Variants in SEM1 observed in about 807,000 individuals in gnomAD.
SEM1 encodes 26S proteasome complex subunit SEM1.
SEM1 carries 3 observed loss-of-function variants against 12.7 expected under a neutral mutation model. The ratio of observed to expected loss-of-function variants is 0.24; its 90% CI spans 0.11 to 0.61. The LOEUF is 0.61. SEM1 is among the 20% of genes least tolerant of loss of function. The pLI, the probability that SEM1 is intolerant of heterozygous loss-of-function variation, is 0.88. For missense variants in SEM1, 59 were observed against 81.3 expected (o/e 0.73, Z 1.06); for synonymous variants, 30 against 27.8 (o/e 1.08, Z -0.25).
At chr7:96,509,134 G>A (rs1030945483) in intron 2 of SEM1, among the ~76,000 whole-genome samples, 2 of 148,352 alleles carry the variant, frequency 1.3e-5, no homozygotes, top group African/African-American at 2.5e-5. Flanking sequence ...TTACAGGCAT[G>A]CACCACCACG....
chr7:96,498,199 C>T (rs544401157), upstream of SEM1, among the ~76,000 whole-genome samples: 2 of 152,232 alleles, frequency 1.3e-5, no homozygotes, highest in South Asian at 2.1e-4. Context: ...CCACATGGCC[C>T]GCCTTCTAGG....
chr7:96,605,669 A>AT (rs538314089), intron 2 of SEM1, among the ~76,000 whole-genome samples: 76 of 149,328 alleles, frequency 5.1e-4, no homozygotes, highest in Middle Eastern at 3.4e-3. Context: ...GGGATAGGGG[A>AT]TTTTTTTTTT....
At chr7:96,702,761 G>A (rs914107376) in intron 1 of SEM1, among the ~76,000 whole-genome samples, 2 of 152,182 alleles carry the variant, frequency 1.3e-5, no homozygotes, top group African/African-American at 2.4e-5. Flanking sequence ...CACCTTAATA[G>A]TGATTGAAGT....
At chr7:96,686,017 C>G (rs1439625125), downstream of SEM1, among the ~76,000 whole-genome samples, 1 of 152,024 alleles carries the variant, frequency 6.6e-6, no homozygotes, top group African/African-American at 2.4e-5. Context: ...AGTCCGGAAA[C>G]CTAGATTCTA....
chr7:96,665,301 G>A (rs1563103843), intron 2 of SEM1, among the ~76,000 whole-genome samples: 1 of 152,140 alleles, frequency 6.6e-6, no homozygotes, highest in African/African-American at 2.4e-5. Flanking sequence ...ACCAAGGGGG[G>A]AAATGCCTAT....
In SEM1 at chr7:96,610,196, T is replaced by A. The variant is rs970438666; in HGVS notation, c.170+84602A>T. 4.0e-5 allele frequency among the ~76,000 whole-genome samples: 6 copies of A among 151,768 alleles called. 1 individual carries two copies. The South Asian group carries it at 1.3e-3, about 32-fold the overall frequency. Reference sequence around the variant, plus strand: ...CTCACCGCAACCTCCGCCTCCTGGGTTCAAGTGATTCTCCTGCCTCAGCCT... The same window carrying A: ...CTCACCGCAACCTCCGCCTCCTGGGATCAAGTGATTCTCCTGCCTCAGCCT... On this transcript the variant is annotated intron_variant and NMD_transcript_variant, in intron 2 of 3. Coordinates refer to the SEM1 transcript ENST00000466986.
At chr7:96,601,252 T>C (rs1807189740) in intron 2 of SEM1, among the ~76,000 whole-genome samples, 1 of 152,202 alleles carries the variant, frequency 6.6e-6, no homozygotes, top group South Asian at 2.1e-4. Flanking sequence ...TCATGGAACT[T>C]ATATTCTAGC....
chr7:96,518,033 T>C (rs900158444), intron 2 of SEM1, among the ~76,000 whole-genome samples: 16 of 152,138 alleles, frequency 1.1e-4, no homozygotes, highest in African/African-American at 3.9e-4. Flanking sequence ...AATTATCATA[T>C]AGGATGGATA....
At chr7:96,515,319 C>A (rs974474120) in intron 2 of SEM1, among the ~76,000 whole-genome samples, 1 of 152,118 alleles carries the variant, frequency 6.6e-6, no homozygotes, top group African/African-American at 2.4e-5. Context: ...ATCAAAACCA[C>A]AAAGGGATAC....
At chr7:96,625,767 T>G (rs578118864) in intron 2 of SEM1, among the ~76,000 whole-genome samples, 3 of 152,212 alleles carry the variant, frequency 2.0e-5, no homozygotes. Flanking sequence ...TTCTTAAATT[T>G]GGCTACACTT....
Position 96,537,851 on chromosome 7 carries a change from T to C in SEM1, c.171-31153A>G, listed in dbSNP as rs569539128. On this transcript the variant is annotated intron_variant and NMD_transcript_variant, in intron 2 of 3. Coordinates refer to the SEM1 transcript ENST00000466986. The stretch of plus-strand genomic sequence containing the variant: ...TTAATTTTGGAAAATTTGCAGCCAT[T>C]ATTACTTCAGATAATTTTTCTGCCC... Among the ~76,000 whole-genome samples the C allele has an allele frequency of 4.6e-5, 7 of 151,938 alleles. No individual in the cohort carries two copies. The South Asian group carries it at 1.5e-3, about 31-fold the overall frequency.
At chr7:96,613,410 T>G (rs1807603970) in intron 2 of SEM1, among the ~76,000 whole-genome samples, 1 of 152,224 alleles carries the variant, frequency 6.6e-6, no homozygotes, top group Admixed American at 6.5e-5. Context: ...CAGGAATTCA[T>G]TTTTTGAAAA....
At chr7:96,696,368 A>G (rs1790097667) in intron 1 of SEM1, 1 of 151,792 alleles carries the variant, frequency 6.6e-6, no homozygotes, top group Non-Finnish European at 1.5e-5. Context: ...TAGTTATGAC[A>G]CTACTGAGTA....
intron 2 of SEM1, among the ~76,000 whole-genome samples, chr7:96,581,059 A>G (rs1806383849): frequency 6.6e-6 from 1 of 152,128 alleles, no homozygotes; most frequent in Non-Finnish European, 1.5e-5. Context: ...CTATGTCCTG[A>G]ATGGTAATGC....
intron 2 of SEM1, among the ~76,000 whole-genome samples, chr7:96,526,388 A>T (rs1265999241): frequency 6.6e-6 from 1 of 152,170 alleles, no homozygotes; most frequent in Admixed American, 6.5e-5. Flanking sequence ...ATAAAGAGAA[A>T]ATGGTCTCTT....
intron 2 of SEM1, among the ~76,000 whole-genome samples, chr7:96,625,709 T>C (rs921719396): frequency 1.3e-5 from 2 of 152,206 alleles, no homozygotes; most frequent in Non-Finnish European, 2.9e-5. Flanking sequence ...ATAACAATGC[T>C]GCTGAACCAC....
intron 2 of SEM1, chr7:96,622,681 C>T (rs1262972311): frequency 4.0e-6 from 3 of 759,392 alleles, no homozygotes; most frequent in Middle Eastern, 2.3e-4. Context: ...TTTTCTTTTT[C>T]AAACACCTAT....
At chr7:96,672,339 C>T (rs979352680), downstream of SEM1, among the ~76,000 whole-genome samples, 11 of 152,150 alleles carry the variant, frequency 7.2e-5, no homozygotes, top group Admixed American at 3.3e-4. Flanking sequence ...TCCATTATTA[C>T]GATAAATGCA....
At chr7:96,484,756 G>T (rs952513232) in intron 3 of SEM1, 17 of 931,194 alleles carry the variant, frequency 1.8e-5, no homozygotes, top group Non-Finnish European at 2.4e-5. Flanking sequence ...ATCACTGGGT[G>T]CCTTAAAAAT....
Sources: allele counts gnomAD v4.1 joint callset (sites outside exome capture counted in the v4.1 genomes callset), GRCh38; gene constraint gnomAD v4.1.1; transcripts MANE v1.5; gene names NCBI Gene and HGNC (gene_info 2026-07-23, HGNC 2026-07-21).